The following NEDD9 variants were observed in gnomAD, a reference collection of about 807,000 sequenced individuals.
The protein encoded by NEDD9 is enhancer of filamentation 1.
A neutral mutation model predicts 76.6 loss-of-function variants in NEDD9; 26 were observed. That is an observed-to-expected ratio of 0.34 (90% CI 0.25 to 0.47). NEDD9 has a LOEUF of 0.47. Among genes scored for constraint, NEDD9 ranks in the 20% least tolerant of loss-of-function variants. NEDD9 has a pLI of 1.00. For missense variants in NEDD9, 937 were observed against 1,058.5 expected (o/e 0.89, Z 1.59); for synonymous variants, 392 against 414.2 (o/e 0.95, Z 0.65).
intron 2 of NEDD9, among the ~76,000 whole-genome samples, chr6:11,313,995 C>T (rs1303788426): frequency 6.6e-6 from 1 of 152,088 alleles, no homozygotes; most frequent in Admixed American, 6.5e-5. Context: ...TCTCAAAAAT[C>T]CTGATTTAAT....
At chr6:11,379,941 G>A (rs1208954358) in intron 1 of NEDD9, among the ~76,000 whole-genome samples, 2 of 152,206 alleles carry the variant, frequency 1.3e-5, no homozygotes, top group African/African-American at 4.8e-5. Flanking sequence ...CATCAAATGA[G>A]TTGTGAAGGT....
At chr6:11,272,234 T>C (rs1760323836) in intron 3 of NEDD9, among the ~76,000 whole-genome samples, 1 of 152,200 alleles carries the variant, frequency 6.6e-6, no homozygotes, top group Non-Finnish European at 1.5e-5. Context: ...TCAGGTCTTG[T>C]CACTCCCTCC....
At chr6:11,348,632 A>G (rs1488307681) in intron 1 of NEDD9, among the ~76,000 whole-genome samples, 2 of 152,178 alleles carry the variant, frequency 1.3e-5, no homozygotes, top group Non-Finnish European at 2.9e-5. Context: ...TGCACCTACA[A>G]TCATCTGATC....
At chr6:11,211,286 C>A (rs191926327) in intron 2 of NEDD9, among the ~76,000 whole-genome samples, 51 of 152,186 alleles carry the variant, frequency 3.4e-4, no homozygotes, top group Admixed American at 2.0e-4. Context: ...ATGGGGAAAG[C>A]CTGCAGGGCA....
intron 2 of NEDD9, among the ~76,000 whole-genome samples, chr6:11,307,888 G>C (rs1561826344): frequency 6.6e-6 from 1 of 152,024 alleles, no homozygotes; most frequent in South Asian, 2.1e-4. Context: ...TGGGCCTTGT[G>C]CTTTTGGGCT....
intron 3 of NEDD9, among the ~76,000 whole-genome samples, chr6:11,267,728 G>T (rs1439018582): frequency 6.6e-6 from 1 of 152,056 alleles, no homozygotes; most frequent in Non-Finnish European, 1.5e-5. Flanking sequence ...GGTCTTGTCT[G>T]GGGGAGAAAA....
intron 3 of NEDD9, among the ~76,000 whole-genome samples, chr6:11,281,941 A>T (rs537124009): frequency 3.3e-5 from 5 of 150,964 alleles, no homozygotes; most frequent in Non-Finnish European, 5.9e-5. Context: ...GTTTTGCCAT[A>T]TTGGCCAGGC....
intron 3 of NEDD9, among the ~76,000 whole-genome samples, chr6:11,302,191 C>T (rs1187761006): frequency 6.6e-6 from 1 of 152,136 alleles, no homozygotes; most frequent in Non-Finnish European, 1.5e-5. Context: ...GATATCACCA[C>T]TGATCCCACA....
chr6:11,328,456 G>T (rs931429063), intron 2 of NEDD9: 1 of 152,184 alleles, frequency 6.6e-6, no homozygotes, highest in Non-Finnish European at 1.5e-5. Context: ...GATTCTAATT[G>T]CTCCTGGATA....
intron 2 of NEDD9, among the ~76,000 whole-genome samples, chr6:11,206,319 G>A (rs184360752): frequency 7.2e-5 from 11 of 152,010 alleles, no homozygotes; most frequent in African/African-American, 1.4e-4. Flanking sequence ...CTTGGGAGGC[G>A]GAGACAGGAG....
chr6:11,189,229 G>A (rs190434026), intron 5 of NEDD9, among the ~76,000 whole-genome samples: 35 of 152,306 alleles, frequency 2.3e-4, no homozygotes, highest in African/African-American at 8.2e-4. Flanking sequence ...ACAGGCGTGA[G>A]CCACTGCGCC....
chr6:11,234,920 C>T (rs938876079), upstream of NEDD9, among the ~76,000 whole-genome samples: 1 of 152,048 alleles, frequency 6.6e-6, no homozygotes, highest in Non-Finnish European at 1.5e-5. Flanking sequence ...CCAGATTGGC[C>T]AGGCTGGTCT....
intron 1 of NEDD9, among the ~76,000 whole-genome samples, chr6:11,216,034 C>G (rs1251330299): frequency 6.6e-6 from 1 of 152,168 alleles, no homozygotes; most frequent in Non-Finnish European, 1.5e-5. Context: ...TTCTTACCAC[C>G]TGGTGAGCAG....
At chr6:11,344,940 C>T (rs577497793) in intron 1 of NEDD9, among the ~76,000 whole-genome samples, 2 of 152,290 alleles carry the variant, frequency 1.3e-5, no homozygotes, top group East Asian at 3.9e-4. Context: ...ATTTCAAGCC[C>T]TTCTGCTGGT....
intron 3 of NEDD9, among the ~76,000 whole-genome samples, chr6:11,304,578 TG>T (rs1326119521): frequency 3.3e-5 from 5 of 152,336 alleles, no homozygotes; most frequent in African/African-American, 1.2e-4. Flanking sequence ...AATGATAGAC[TG>T]GATTGAGAAA....
At chr6:11,347,457 G>A (rs1335791421) in intron 1 of NEDD9, among the ~76,000 whole-genome samples, 1 of 152,108 alleles carries the variant, frequency 6.6e-6, no homozygotes, top group Non-Finnish European at 1.5e-5. Flanking sequence ...AAACCTGGCA[G>A]AGACACAACA....
intron 2 of NEDD9, among the ~76,000 whole-genome samples, chr6:11,319,378 CAA>C (rs1365243584): frequency 3.3e-5 from 5 of 150,646 alleles, no homozygotes; most frequent in Non-Finnish European, 7.4e-5. Flanking sequence ...AACATACACA[CAA>C]GTCTCACACT....
rs768485089 is a variant in NEDD9 at position 11,185,459 on chromosome 6, G to A, written c.2208C>T (p.Ala736=). The A allele has an allele frequency of 4.0e-5, 65 of 1,614,102 alleles. No individual in the cohort carries two copies. Among genetic ancestry groups the A allele is most frequent in the Non-Finnish European group, 5.2e-5 (61 of 1,180,048 alleles). The change falls in exon 7 of 7, where the codon GCC becomes GCT. Residue 736 remains alanine, a synonymous_variant. Coordinates refer to ENST00000379446, the MANE Select transcript of NEDD9 (RefSeq NM_006403.4). ...IDALFSCVSS[A]QPPRIFVAHS... is the part of the protein sequence containing the mutation. ...GTGCCACGAAGATTCGCGGGGGCTGGGCTGAGCTGACACAACTGAAGAGTG... is the reference window on the plus strand; with the variant it reads ...GTGCCACGAAGATTCGCGGGGGCTGAGCTGAGCTGACACAACTGAAGAGTG...
rs114508425 is a variant in NEDD9, at chr6:11,197,970, G to T, written c.460-4278C>A. ...CCTTGGGACTCTTTCTGATGTTTCT[G>T]CATCTGTGTTCCCTGAGCTGGTACC... is the stretch of plus-strand genomic sequence containing the variant. On this transcript the variant is annotated intron_variant, in intron 2 of 6. Transcript: ENST00000379446. 3.5e-3 allele frequency among the ~76,000 whole-genome samples: 527 copies of T among 152,192 alleles called. 1 individual carries two copies. The highest frequency in any genetic ancestry group is 0.012 in the African/African-American group (496 of 41,530).
Sources: allele counts gnomAD v4.1 joint callset (sites outside exome capture counted in the v4.1 genomes callset), GRCh38; gene constraint gnomAD v4.1.1; transcripts MANE v1.5; gene names NCBI Gene and HGNC (gene_info 2026-07-23, HGNC 2026-07-21).